GPX7: variants seen among roughly 807,000 people sequenced by gnomAD.
GPX7 encodes protein peroxidase GPX7.
A neutral mutation model predicts 23.7 loss-of-function variants in GPX7; 21 were observed. The observed-to-expected ratio is 0.89, with a 90% CI of 0.63 to 1.28. The LOEUF is 1.28. Ranked by LOEUF, GPX7 falls within the 50% of genes most tolerant of loss-of-function variation. GPX7 has a pLI of 0.00. For synonymous variants in GPX7, 112 were observed against 101.8 expected (o/e 1.10, Z -0.61); for missense variants, 238 against 237.3 (o/e 1.00, Z -0.02).
intron 1 of GPX7, 149 bp downstream of exon 1, chr1:52,602,696 C>T (rs925283687): frequency 4.9e-5 from 10 of 205,906 alleles, no homozygotes; most frequent in Non-Finnish European, 9.0e-5. Context: ...CCGCCCCGCT[C>T]GGCCGTGACC....
chr1:52,607,238 C>A, intron 2 of GPX7: 1 of 461,698 alleles, frequency 2.2e-6, no homozygotes, highest in Non-Finnish European at 3.9e-6. Context: ...TTCAGGGGCT[C>A]CTAGAAGGAG....
At chr1:52,607,657 G>A (rs533941065) in intron 2 of GPX7, among the ~76,000 whole-genome samples, 28 of 152,290 alleles carry the variant, frequency 1.8e-4, no homozygotes, top group Admixed American at 4.6e-4. Context: ...AGAAGCAAGA[G>A]TGCAGCAAAC....
At chr1:52,607,237 TC>T in intron 2 of GPX7, 2 of 465,652 alleles carry the variant, frequency 4.3e-6, no homozygotes, top group South Asian at 6.5e-5. Flanking sequence ...ATTCAGGGGC[TC>T]CTAGAAGGAG....
chr1:52,608,119 C>T (rs1218278059), intron 2 of GPX7, 143 bp from the exon 3 acceptor site: 2 of 636,808 alleles, frequency 3.1e-6, no homozygotes, highest in African/African-American at 1.9e-5. Flanking sequence ...GAGCCTCACC[C>T]TCAGAGATTC....
intron 1 of GPX7, among the ~76,000 whole-genome samples, chr1:52,604,277 A>T (rs1690831270): frequency 6.6e-6 from 1 of 152,232 alleles, no homozygotes; most frequent in South Asian, 2.1e-4. Context: ...TAAACCAGGG[A>T]ACAGGGAGTC....
chr1:52,607,140 C>T (rs1406811573), intron 2 of GPX7, 195 bp downstream of exon 2: 2 of 622,202 alleles, frequency 3.2e-6, no homozygotes, highest in East Asian at 2.7e-5. Flanking sequence ...GAGGGGTATT[C>T]CTGCCTAAGA....
chr1:52,606,591 G>T, intron 1 of GPX7, 93 bp from the exon 2 acceptor site: 1 of 1,380,682 alleles, frequency 7.2e-7, no homozygotes, highest in South Asian at 1.3e-5. Context: ...ACTGTTGAGG[G>T]AGTCACATAT....
intron 1 of GPX7, among the ~76,000 whole-genome samples, chr1:52,605,970 A>G (rs934903013): frequency 6.6e-6 from 1 of 152,190 alleles, no homozygotes; most frequent in Non-Finnish European, 1.5e-5. Context: ...AGCAGCAACA[A>G]CAACAAAAGT....
chr1:52,606,108 A>G (rs1384594979), intron 1 of GPX7, among the ~76,000 whole-genome samples: 2 of 152,194 alleles, frequency 1.3e-5, no homozygotes, highest in Non-Finnish European at 2.9e-5. Context: ...ACACTTACTC[A>G]TTCATCTGAA....
intron 1 of GPX7, among the ~76,000 whole-genome samples, chr1:52,602,775 C>T (rs1460763638): frequency 6.6e-6 from 1 of 151,890 alleles, no homozygotes; most frequent in Non-Finnish European, 1.5e-5. Flanking sequence ...GGCCTTGGCG[C>T]GGAGGAACCC....
At chr1:52,604,389 T>C (rs1690832538) in intron 1 of GPX7, among the ~76,000 whole-genome samples, 1 of 152,190 alleles carries the variant, frequency 6.6e-6, no homozygotes, top group Non-Finnish European at 1.5e-5. Context: ...TCCTACTACA[T>C]GTCTGACACT....
At chr1:52,603,542 G>A (rs1690823965) in intron 1 of GPX7, among the ~76,000 whole-genome samples, 1 of 152,134 alleles carries the variant, frequency 6.6e-6, no homozygotes, top group Non-Finnish European at 1.5e-5. Flanking sequence ...ACCTCTTCAG[G>A]ATGGACCTGG....
At chr1:52,605,766 T>C (rs1159257739) in intron 1 of GPX7, among the ~76,000 whole-genome samples, 2 of 152,164 alleles carry the variant, frequency 1.3e-5, no homozygotes, top group Non-Finnish European at 2.9e-5. Flanking sequence ...GCTAAGAGTT[T>C]TTGAGTCCAG....
intron 1 of GPX7, 52 bp downstream of exon 1, chr1:52,602,599 G>C: frequency 2.4e-6 from 3 of 1,240,352 alleles, no homozygotes; most frequent in Non-Finnish European, 3.3e-6. Context: ...GCCCTGGCGG[G>C]GCCTGCTGGG....
chr1:52,604,429 C>G (rs1690832872), intron 1 of GPX7, among the ~76,000 whole-genome samples: 1 of 152,190 alleles, frequency 6.6e-6, no homozygotes, highest in Non-Finnish European at 1.5e-5. Context: ...TAGTCATGAG[C>G]AAGATTGACA....
intron 1 of GPX7, among the ~76,000 whole-genome samples, chr1:52,606,117 AAACT>A (rs1429413937): frequency 6.6e-6 from 1 of 152,182 alleles, no homozygotes; most frequent in Non-Finnish European, 1.5e-5. Context: ...CATTCATCTG[AAACT>A]TACTGAGACT....
chr1:52,605,591 A>G (rs1313537127), intron 1 of GPX7, among the ~76,000 whole-genome samples: 1 of 152,158 alleles, frequency 6.6e-6, no homozygotes, highest in South Asian at 2.1e-4. Flanking sequence ...ATTCTAATCA[A>G]AGTCTTATAA....
chr1:52,602,559 G>C lies in GPX7; in HGVS notation c.138+12G>C. The C allele has an allele frequency of 6.5e-7, 1 of 1,538,162 alleles. No individual in the cohort carries two copies. The highest frequency in any genetic ancestry group is 8.7e-7 in the Non-Finnish European group (1 of 1,145,784). On this transcript the variant is annotated intron_variant, in intron 1 of 2. Transcript: ENST00000361314. ...AGTACCGCGGATCGGTGAGTGCGCG[G>C]GGTCTGGCGGCGCCGCTGGGCCCGG...
chr1:52,605,989 T>C (rs569818060), intron 1 of GPX7, among the ~76,000 whole-genome samples: 11 of 152,286 alleles, frequency 7.2e-5, no homozygotes, highest in Admixed American at 2.6e-4. Flanking sequence ...GTGGTGTTAG[T>C]TCTCTGGAGA....
Sources: allele counts gnomAD v4.1 joint callset (sites outside exome capture counted in the v4.1 genomes callset), GRCh38; gene constraint gnomAD v4.1.1; transcripts MANE v1.5; gene names NCBI Gene and HGNC (gene_info 2026-07-23, HGNC 2026-07-21).